TRIM33: variants seen among roughly 807,000 people sequenced by gnomAD.
TRIM33 encodes E3 ubiquitin-protein ligase TRIM33.
Under a neutral mutation model 125.4 loss-of-function variants are expected in TRIM33, and 20 were observed. That is an observed-to-expected ratio of 0.16 (90% CI 0.11 to 0.23). The LOEUF (loss-of-function observed/expected upper bound fraction) is 0.23. Among genes scored for constraint, TRIM33 ranks in the 10% least tolerant of loss-of-function variants. The pLI is 1.00. For missense variants in TRIM33, 920 were observed against 1,411.4 expected (o/e 0.65, Z 5.58); for synonymous variants, 564 against 513.9 (o/e 1.10, Z -1.32).
chr1:114,411,717 G>A (rs940171635), intron 11 of TRIM33, among the ~76,000 whole-genome samples: 3 of 152,160 alleles, frequency 2.0e-5, no homozygotes, highest in Non-Finnish European at 4.4e-5. Flanking sequence ...GTCAGGAAGA[G>A]GCAAACAGGA....
chr1:114,483,417 T>G (rs1437227944), intron 1 of TRIM33, among the ~76,000 whole-genome samples: 2 of 134,684 alleles, frequency 1.5e-5, no homozygotes, highest in Admixed American at 7.3e-5. Flanking sequence ...CCCAGTTGGG[T>G]TTTTTTTTTT....
chr1:114,449,778 C>A (rs1225363866), intron 4 of TRIM33, among the ~76,000 whole-genome samples: 1 of 152,166 alleles, frequency 6.6e-6, no homozygotes, highest in African/African-American at 2.4e-5. Context: ...TCATGAACTA[C>A]CACATGCCAA....
At chr1:114,427,317 T>G (rs368041965) in intron 7 of TRIM33, 23 bp from the exon 8 acceptor site, 1 of 1,229,896 alleles carries the variant, frequency 8.1e-7, no homozygotes, top group South Asian at 1.4e-5. Flanking sequence ...AAAATCCACA[T>G]TAGTCTCAAA....
chr1:114,450,557 A>AT (rs1649250995), intron 4 of TRIM33, among the ~76,000 whole-genome samples: 2 of 151,672 alleles, frequency 1.3e-5, no homozygotes, highest in South Asian at 4.2e-4. Context: ...ATTTACTAGA[A>AT]TTTTTTTGTA....
chr1:114,400,564 T>A (rs893586172), intron 17 of TRIM33, among the ~76,000 whole-genome samples: 3 of 152,306 alleles, frequency 2.0e-5, no homozygotes, highest in South Asian at 2.1e-4. Context: ...TACTTTAAAA[T>A]CCCTGCACTT....
chr1:114,474,181 A>G (rs1045384964), intron 1 of TRIM33, among the ~76,000 whole-genome samples: 9 of 152,098 alleles, frequency 5.9e-5, no homozygotes, highest in African/African-American at 1.7e-4. Context: ...GATTACAGGC[A>G]TAAGTCACTG....
chr1:114,410,768 C>A (rs114976132), intron 11 of TRIM33, among the ~76,000 whole-genome samples: 1,533 of 134,580 alleles, frequency 0.011, 10 homozygotes, highest in Non-Finnish European at 0.019. Context: ...ACACACAAGG[C>A]CCCTTACTAC....
rs541671903 is a variant in TRIM33 at position 114,424,892 on chromosome 1, C to T, written c.1696-137G>A. 2.1e-5 allele frequency: 13 copies of T among 608,324 alleles called. No homozygotes were observed. In the African/African-American group the frequency reaches 2.4e-4, roughly 11 times the overall value. 37.7% of individuals were successfully genotyped at this position (608,324 alleles called of 1,614,324 possible). On this transcript the variant is annotated intron_variant, in intron 9 of 19. Coordinates refer to ENST00000358465, the MANE Select transcript of TRIM33 (RefSeq NM_015906.4). ...AAGTATAAATAATTCTTATCGCTAGCCCCAATCCCCAGAGGACTGGTAATG... is the reference window on the plus strand; with the variant it reads ...AAGTATAAATAATTCTTATCGCTAGTCCCAATCCCCAGAGGACTGGTAATG...
intron 1 of TRIM33, among the ~76,000 whole-genome samples, chr1:114,465,155 A>G (rs1050834522): frequency 2.6e-5 from 4 of 152,248 alleles, no homozygotes; most frequent in African/African-American, 9.6e-5. Flanking sequence ...ACTTGAATAC[A>G]TGCTAATATG....
intron 1 of TRIM33, among the ~76,000 whole-genome samples, chr1:114,497,139 G>A (rs1420599757): frequency 6.6e-6 from 1 of 152,198 alleles, no homozygotes; most frequent in Non-Finnish European, 1.5e-5. Flanking sequence ...AGTTATAGCT[G>A]CATCACTGCA....
intron 1 of TRIM33, among the ~76,000 whole-genome samples, chr1:114,505,647 A>G (rs1040316978): frequency 2.0e-5 from 3 of 152,212 alleles, no homozygotes; most frequent in African/African-American, 7.2e-5. Context: ...AGCTCACTGC[A>G]ACCTCCGCCT....
chr1:114,454,668 T>C (rs1434822231), intron 4 of TRIM33, among the ~76,000 whole-genome samples: 8 of 128,702 alleles, frequency 6.2e-5, no homozygotes, highest in African/African-American at 9.4e-5. Context: ...AGCACAAGAC[T>C]CCTCTAAAAA....
rs1442361085 is a variant in TRIM33 at position 114,474,879 on chromosome 1, C to T, written c.527-10491G>A. Among the ~76,000 whole-genome samples, 6 of 147,902 alleles carry T rather than the reference C, an allele frequency of 4.1e-5. No homozygotes were observed. The South Asian group carries it at 6.4e-4, about 16-fold the overall frequency. On this transcript the variant is annotated intron_variant, in intron 1 of 19. Coordinates refer to ENST00000358465, the MANE Select transcript of TRIM33 (RefSeq NM_015906.4). ...TGTACTCCAGCCTGGGCAACAGAAG[C>T]GAAAACTCTATCTCAAAAAAAAAAA...
chr1:114,423,303 A>G (rs769507705), intron 10 of TRIM33, among the ~76,000 whole-genome samples: 15 of 152,170 alleles, frequency 9.9e-5, no homozygotes, highest in Non-Finnish European at 2.2e-4. Flanking sequence ...GCTAATCTAT[A>G]TCTATCAAAT....
At chr1:114,398,148 GA>G (rs1375224085) in intron 18 of TRIM33, among the ~76,000 whole-genome samples, 158 bp from the exon 19 acceptor site, 1 of 152,132 alleles carries the variant, frequency 6.6e-6, no homozygotes, top group Non-Finnish European at 1.5e-5. Context: ...ACAGAACATG[GA>G]ACCATTTTCT....
intron 15 of TRIM33, among the ~76,000 whole-genome samples, chr1:114,403,691 C>T (rs115672697): frequency 9.9e-4 from 150 of 152,250 alleles, no homozygotes; most frequent in African/African-American, 3.4e-3. Context: ...GGGCCTGCTA[C>T]CATGCCCAGC....
chr1:114,437,341 A>AT, intron 4 of TRIM33, among the ~76,000 whole-genome samples: 1 of 152,180 alleles, frequency 6.6e-6, no homozygotes, highest in East Asian at 1.9e-4. Flanking sequence ...TTAAAGTAGT[A>AT]TTTATTTATT....
In TRIM33 at chr1:114,397,596, TTTTTTTTTTCG is replaced by T. The variant is rs979453955; in HGVS notation, c.*41_*51del. On this transcript the variant is annotated 3_prime_UTR_variant, in exon 20 of 20. Transcript: ENST00000358465. ...GTTTTCTGGGTTTTTTGTGTTTTTTTTTTTTTTTTCGTTTTTTTTTTTTTAAACAATTGATT... is the reference window on the plus strand; with the variant it reads ...GTTTTCTGGGTTTTTTGTGTTTTTTTTTTTTTTTTTTTTAAACAATTGATT... 2 of 1,134,394 alleles carry T rather than the reference TTTTTTTTTTCG, an allele frequency of 1.8e-6. No homozygotes were observed. The highest frequency in any genetic ancestry group is 3.3e-5 in the African/African-American group (2 of 61,124). 70.3% of individuals were successfully genotyped at this position (1,134,394 alleles called of 1,614,324 possible).
At chr1:114,399,996 G>A (rs1651772563) in intron 17 of TRIM33, among the ~76,000 whole-genome samples, 1 of 151,828 alleles carries the variant, frequency 6.6e-6, no homozygotes, top group Non-Finnish European at 1.5e-5. Context: ...AGAATATGAT[G>A]TCTTTTGGAA....
Sources: gnomAD v4.1 joint callset for allele counts (sites outside exome capture counted in the v4.1 genomes callset) on GRCh38, gnomAD v4.1.1 for gene constraint, MANE v1.5 for transcripts, NCBI Gene and HGNC (gene_info 2026-07-23, HGNC 2026-07-21) for gene names.